CAST: variants seen among roughly 807,000 people sequenced by gnomAD.
CAST encodes the protein MIR583 host.
Under a neutral mutation model 119.6 loss-of-function variants are expected in CAST, and 76 were observed. The ratio of observed to expected loss-of-function variants is 0.64; its 90% CI spans 0.53 to 0.77. The LOEUF (loss-of-function observed/expected upper bound fraction) is 0.77. CAST is among the 30% of genes least tolerant of loss of function. The pLI, the probability that CAST is intolerant of heterozygous loss-of-function variation, is 0.00. For synonymous variants in CAST, 319 were observed against 331.6 expected (o/e 0.96, Z 0.41); for missense variants, 953 against 946.5 (o/e 1.01, Z -0.09).
At chr5:96,486,242 G>C in the CAST span, among the ~76,000 whole-genome samples, 1 of 152,142 alleles carries the variant, frequency 6.6e-6, no homozygotes, top group Non-Finnish European at 1.5e-5. Flanking sequence ...TAGGATACTA[G>C]TATGGCAACG....
chr5:96,719,098 A>G (rs968030306), intron 3 of CAST, among the ~76,000 whole-genome samples: 5 of 152,176 alleles, frequency 3.3e-5, no homozygotes, highest in Non-Finnish European at 7.4e-5. Flanking sequence ...TTGTTCCATC[A>G]GCTACATGTA....
At position 96,641,188 on chromosome 5, in the gene CAST, C is replaced by G. The variant is rs541273769; in HGVS notation, c.61-34351C>G. The stretch of plus-strand genomic sequence containing the variant: ...ATACTACTGTTTAGAGATATAGAAA[C>G]GACTTTGCAACTGTGAATTGCTAAG... On this transcript the variant is annotated intron_variant, in intron 1 of 11. Transcript: ENST00000505143. 3.3e-5 allele frequency among the ~76,000 whole-genome samples: 5 copies of G among 151,942 alleles called. No homozygotes were observed. In the South Asian group the frequency reaches 1.0e-3, roughly 32 times the overall value.
the CAST span, among the ~76,000 whole-genome samples, chr5:96,383,528 C>A: frequency 7.9e-5 from 12 of 152,300 alleles, no homozygotes; most frequent in Admixed American, 2.6e-4. Flanking sequence ...CTCCCTGCAA[C>A]CTTCACCTCC....
At chr5:96,691,724 A>G (rs1273677175) in intron 2 of CAST, among the ~76,000 whole-genome samples, 1 of 152,232 alleles carries the variant, frequency 6.6e-6, no homozygotes, top group Non-Finnish European at 1.5e-5. Context: ...GTGTTGAGAA[A>G]TGTTCAGAAA....
In CAST at chr5:96,690,645, A is replaced by T. The variant is rs560074782; in HGVS notation, c.139-5191A>T. ...TACTGCTTTGCACTTGCAGTAGCAC[A>T]CATTTATACTTCTTTTGGTAATAAA... is the stretch of plus-strand genomic sequence containing the variant. On this transcript the variant is annotated intron_variant, in intron 2 of 31. Transcript: ENST00000675179. Among the ~76,000 whole-genome samples the T allele has an allele frequency of 3.9e-4, 59 of 152,368 alleles. 1 individual carries two copies. Among genetic ancestry groups the T allele is most frequent in the African/African-American group, 1.4e-3 (59 of 41,592 alleles).
the CAST span, chr5:95,961,941 T>G: frequency 1.8e-6 from 1 of 570,514 alleles, no homozygotes; most frequent in Non-Finnish European, 2.9e-6. Flanking sequence ...ATTGGTCTTG[T>G]TCCCTTCAGA....
At chr5:96,117,389 G>A in the CAST span, among the ~76,000 whole-genome samples, 5 of 152,090 alleles carry the variant, frequency 3.3e-5, no homozygotes, top group African/African-American at 9.7e-5. Context: ...ACCCTGTCAC[G>A]TTAACCATGT....
chr5:96,413,326 A>G, the CAST span, among the ~76,000 whole-genome samples: 6 of 152,226 alleles, frequency 3.9e-5, no homozygotes, highest in African/African-American at 1.4e-4. Context: ...AGAGCCAGGA[A>G]GGCAAAAACA....
the CAST span, among the ~76,000 whole-genome samples, chr5:96,296,132 A>C: frequency 6.6e-6 from 1 of 152,214 alleles, no homozygotes; most frequent in Non-Finnish European, 1.5e-5. Context: ...TATTATTTCA[A>C]GTATAAAACT....
chr5:96,192,646 C>G, the CAST span, among the ~76,000 whole-genome samples: 2 of 152,166 alleles, frequency 1.3e-5, no homozygotes, highest in African/African-American at 4.8e-5. Context: ...AGTGGGGCCT[C>G]TTTTTATGGG....
intron 30 of CAST, 132 bp from the exon 31 acceptor site, chr5:96,771,512 A>T: frequency 1.6e-6 from 1 of 618,174 alleles, no homozygotes; most frequent in Non-Finnish European, 2.8e-6. Flanking sequence ...CCAGATGAAG[A>T]AGAGAAACTG....
At chr5:96,169,672 G>A in the CAST span, among the ~76,000 whole-genome samples, 15 of 152,224 alleles carry the variant, frequency 9.9e-5, 1 homozygote, top group Admixed American at 9.2e-4. Flanking sequence ...GTTTTAATGG[G>A]ATGGTAAGGG....
At chr5:96,534,693 A>G (rs67675241) in intron 1 of CAST, among the ~76,000 whole-genome samples, 9,580 of 39,892 alleles carry the variant, frequency 0.24, 1,691 homozygotes, top group East Asian at 0.68. Flanking sequence ...AGAGAGAGGA[A>G]GGAAGGAAGG....
the CAST span, among the ~76,000 whole-genome samples, chr5:96,196,370 A>G: frequency 6.6e-6 from 1 of 152,198 alleles, no homozygotes; most frequent in African/African-American, 2.4e-5. Flanking sequence ...CTTATTCAAC[A>G]GATACCTAAT....
the CAST span, among the ~76,000 whole-genome samples, chr5:96,478,411 T>C: frequency 5.3e-5 from 8 of 152,242 alleles, no homozygotes; most frequent in Non-Finnish European, 1.2e-4. Flanking sequence ...TTGACCAAAC[T>C]ATAGGATTCA....
intron 19 of CAST, among the ~76,000 whole-genome samples, chr5:96,750,017 A>G (rs1483945448): frequency 6.6e-6 from 1 of 152,140 alleles, no homozygotes; most frequent in Non-Finnish European, 1.5e-5. Context: ...AGGTTCCCTT[A>G]TGGTGCTGAG....
chr5:96,303,696 T>C, the CAST span, among the ~76,000 whole-genome samples: 1 of 151,332 alleles, frequency 6.6e-6, no homozygotes, highest in African/African-American at 2.4e-5. Context: ...TGAGAACATG[T>C]GGTGTTTGGT....
the CAST span, among the ~76,000 whole-genome samples, chr5:96,502,590 T>C: frequency 6.6e-6 from 1 of 151,558 alleles, no homozygotes; most frequent in Non-Finnish European, 1.5e-5. Context: ...TCTGTTAAGA[T>C]AATCAAGGTT....
rs559299143 is a variant in CAST, at chr5:96,731,197, G to A, written c.630+337G>A. Among the ~76,000 whole-genome samples the A allele has an allele frequency of 7.9e-5, 12 of 152,192 alleles. No homozygotes were observed. In the East Asian group the frequency reaches 9.6e-4, roughly 12 times the overall value. On this transcript the variant is annotated intron_variant, in intron 9 of 31. Transcript: ENST00000675179. ...TACAATTTCCAGGAGCATTTGAATCGGCTTTTTCAGCTTTCAATGCTGATG... is the reference window on the plus strand; with the variant it reads ...TACAATTTCCAGGAGCATTTGAATCAGCTTTTTCAGCTTTCAATGCTGATG...
Sources: gnomAD v4.1 joint callset for allele counts (sites outside exome capture counted in the v4.1 genomes callset) on GRCh38, gnomAD v4.1.1 for gene constraint, MANE v1.5 for transcripts, NCBI Gene and HGNC (gene_info 2026-07-23, HGNC 2026-07-21) for gene names.